PDZRN4: variants seen among roughly 807,000 people sequenced by gnomAD.
The protein encoded by PDZRN4 is PDZ domain containing ring finger 4, also known as PDZ domain-containing RING finger protein 4.
In PDZRN4, 70 loss-of-function variants were observed where a neutral mutation model predicts 99.0. The ratio of observed to expected loss-of-function variants is 0.71; its 90% CI spans 0.58 to 0.86. The LOEUF (loss-of-function observed/expected upper bound fraction) is 0.86, where lower values mean the gene tolerates loss of function less well. Among genes scored for constraint, PDZRN4 ranks in the 40% least tolerant of loss-of-function variants. The pLI, the probability that PDZRN4 is intolerant of heterozygous loss-of-function variation, is 0.00. For synonymous variants in PDZRN4, 551 were observed against 501.6 expected (o/e 1.10, Z -1.32); for missense variants, 1,474 against 1,331.2 (o/e 1.11, Z -1.67).
intron 5 of PDZRN4, among the ~76,000 whole-genome samples, chr12:41,527,069 G>A (rs1938580429): frequency 6.6e-6 from 1 of 152,230 alleles, no homozygotes; most frequent in South Asian, 2.1e-4. Context: ...ACACTACCGT[G>A]AGACATTCAC....
At chr12:41,353,398 T>G (rs1001339624) in intron 3 of PDZRN4, among the ~76,000 whole-genome samples, 1 of 152,128 alleles carries the variant, frequency 6.6e-6, no homozygotes, top group Non-Finnish European at 1.5e-5. Context: ...GAGTCAGACC[T>G]TACTTACTGC....
rs141776330 is a variant in PDZRN4, at chr12:41,321,573, A to G, written c.843+127385A>G. Among the ~76,000 whole-genome samples, 183 of 152,266 alleles carry G rather than the reference A, an allele frequency of 1.2e-3. 2 individuals carry two copies. Among genetic ancestry groups the G allele is most frequent in the African/African-American group, 4.3e-3 (179 of 41,560 alleles). ...CCTCAGTTCCTAGAAATTCTAGTCAATATCACTGTTCTTTTTGTTCATAAT... is the reference window on the plus strand; with the variant it reads ...CCTCAGTTCCTAGAAATTCTAGTCAGTATCACTGTTCTTTTTGTTCATAAT... On this transcript the variant is annotated intron_variant, in intron 3 of 9. Transcript: ENST00000402685.
chr12:41,541,159 T>C (rs1938847701), intron 5 of PDZRN4, among the ~76,000 whole-genome samples: 1 of 152,096 alleles, frequency 6.6e-6, no homozygotes, highest in Non-Finnish European at 1.5e-5. Context: ...CTTGATCTCC[T>C]GACCTCATAA....
At chr12:41,558,988 C>A (rs1939218123) in intron 7 of PDZRN4, among the ~76,000 whole-genome samples, 1 of 152,120 alleles carries the variant, frequency 6.6e-6, no homozygotes, top group South Asian at 2.1e-4. Context: ...ACTTCTTATC[C>A]TTAAAGTTTC....
At chr12:41,343,668 G>T (rs988599051) in intron 3 of PDZRN4, among the ~76,000 whole-genome samples, 1 of 151,876 alleles carries the variant, frequency 6.6e-6, no homozygotes, top group Admixed American at 6.6e-5. Context: ...GTGTTCTACT[G>T]CACAGTAGGG....
chr12:41,276,513 C>G (rs1951350920), intron 3 of PDZRN4, among the ~76,000 whole-genome samples: 1 of 151,848 alleles, frequency 6.6e-6, no homozygotes, highest in Admixed American at 6.6e-5. Flanking sequence ...ATATATATTT[C>G]ATATATTCAT....
intron 3 of PDZRN4, among the ~76,000 whole-genome samples, chr12:41,195,686 C>A (rs576096664): frequency 6.6e-5 from 10 of 152,224 alleles, no homozygotes; most frequent in African/African-American, 2.4e-4. Context: ...CGAGAAAGTG[C>A]AGACCTACTT....
At chr12:41,463,059 A>C (rs2120540353) in intron 3 of PDZRN4, among the ~76,000 whole-genome samples, 1 of 152,308 alleles carries the variant, frequency 6.6e-6, no homozygotes, top group Middle Eastern at 3.4e-3. Context: ...AAACTATAGC[A>C]TTCTCTTTCT....
At chr12:41,481,632 T>C (rs998892154) in intron 3 of PDZRN4, among the ~76,000 whole-genome samples, 9 of 152,262 alleles carry the variant, frequency 5.9e-5, no homozygotes, top group Admixed American at 3.3e-4. Context: ...CAAAACAAGC[T>C]CAAATCCAAG....
At chr12:41,400,570 AC>A (rs2121139142) in intron 3 of PDZRN4, among the ~76,000 whole-genome samples, 1 of 151,972 alleles carries the variant, frequency 6.6e-6, no homozygotes, top group East Asian at 1.9e-4. Context: ...TTGTTCTGGG[AC>A]TATCACAAAG....
At chr12:41,339,329 A>C (rs10880042) in intron 3 of PDZRN4, among the ~76,000 whole-genome samples, 1 of 151,826 alleles carries the variant, frequency 6.6e-6, no homozygotes, top group Non-Finnish European at 1.5e-5. Flanking sequence ...TTGGGGAAAG[A>C]ATACTCTTTT....
chr12:41,551,184 A>G (rs1939047121), intron 5 of PDZRN4, among the ~76,000 whole-genome samples: 1 of 152,042 alleles, frequency 6.6e-6, no homozygotes, highest in Admixed American at 6.6e-5. Flanking sequence ...TTCCTCATAG[A>G]GGTCACCTTC....
rs553609413 is a variant in PDZRN4, at chr12:41,376,184, A to G, written c.844-130272A>G. 6.5e-4 allele frequency among the ~76,000 whole-genome samples: 99 copies of G among 152,276 alleles called. 1 individual carries two copies. Among genetic ancestry groups the G allele is most frequent in the African/African-American group, 2.4e-3 (98 of 41,564 alleles). ...GGCTATTGTGAATAATGTGAACTGA[A>G]CATGGGAGTGCTGGTATCTTTTCAA... On this transcript the variant is annotated intron_variant, in intron 3 of 9. Coordinates refer to ENST00000402685, the MANE Select transcript of PDZRN4 (RefSeq NM_001164595.2).
intron 5 of PDZRN4, among the ~76,000 whole-genome samples, chr12:41,525,344 G>C (rs1774439641): frequency 6.6e-6 from 1 of 152,160 alleles, no homozygotes; most frequent in African/African-American, 2.4e-5. Context: ...CTCAAATCAA[G>C]CTTCACTGCT....
chr12:41,392,903 C>T (rs1952219599), intron 3 of PDZRN4, among the ~76,000 whole-genome samples: 1 of 152,128 alleles, frequency 6.6e-6, no homozygotes, highest in South Asian at 2.1e-4. Flanking sequence ...AGAATCAAAG[C>T]AATGCTCTTA....
intron 3 of PDZRN4, among the ~76,000 whole-genome samples, chr12:41,315,775 T>C (rs1416790077): frequency 6.6e-6 from 1 of 152,090 alleles, no homozygotes; most frequent in Admixed American, 6.6e-5. Context: ...ATTATACTCA[T>C]TTAAATTGTA....
At chr12:41,556,416 G>A (rs779246277) in intron 7 of PDZRN4, among the ~76,000 whole-genome samples, 1 of 152,206 alleles carries the variant, frequency 6.6e-6, no homozygotes, top group Non-Finnish European at 1.5e-5. Flanking sequence ...GCTAGCTGGC[G>A]TAGCCTACTC....
chr12:41,221,074 C>A (rs1339781933), intron 3 of PDZRN4, among the ~76,000 whole-genome samples: 1 of 152,110 alleles, frequency 6.6e-6, no homozygotes, highest in Non-Finnish European at 1.5e-5. Flanking sequence ...ATGCAATTGG[C>A]CTTGCTCTCT....
At chr12:41,416,915 A>G (rs1952450148) in intron 3 of PDZRN4, among the ~76,000 whole-genome samples, 1 of 152,212 alleles carries the variant, frequency 6.6e-6, no homozygotes, top group Non-Finnish European at 1.5e-5. Context: ...AATACTCCTT[A>G]CTTAAAATCA....
Sources: gnomAD v4.1 joint callset for allele counts (sites outside exome capture counted in the v4.1 genomes callset) on GRCh38, gnomAD v4.1.1 for gene constraint, MANE v1.5 for transcripts, NCBI Gene and HGNC (gene_info 2026-07-23, HGNC 2026-07-21) for gene names.